Variants in NRG1 observed in about 807,000 individuals in gnomAD.
The protein encoded by NRG1 is pro-neuregulin-1, membrane-bound isoform.
Under a neutral mutation model 63.8 loss-of-function variants are expected in NRG1, and 18 were observed. The observed-to-expected ratio is 0.28, with a 90% CI of 0.19 to 0.42. The LOEUF is 0.42. Among genes scored for constraint, NRG1 ranks in the 10% least tolerant of loss-of-function variants. The pLI is 1.00. For missense variants in NRG1, 762 were observed against 814.7 expected (o/e 0.94, Z 0.79); for synonymous variants, 302 against 301.3 (o/e 1.00, Z -0.02).
At chr8:32,297,618 T>A (rs1855047422) in intron 1 of NRG1, among the ~76,000 whole-genome samples, 1 of 152,206 alleles carries the variant, frequency 6.6e-6, no homozygotes, top group African/African-American at 2.4e-5. Context: ...GGGCTGTTTA[T>A]CTTAGTTGAG....
chr8:32,769,164 T>A (rs902651106), downstream of NRG1, among the ~76,000 whole-genome samples: 1 of 152,206 alleles, frequency 6.6e-6, no homozygotes, highest in African/African-American at 2.4e-5. Flanking sequence ...ACTTAAAGAT[T>A]GAGACATTAT....
chr8:32,573,897 G>A (rs1839119999), intron 1 of NRG1, among the ~76,000 whole-genome samples: 3 of 152,008 alleles, frequency 2.0e-5, no homozygotes, highest in Admixed American at 1.3e-4. Context: ...GTGAGAACAT[G>A]CAGTGTTTGG....
At chr8:31,639,877 G>T in intron 1 of NRG1, 1 of 1,092,188 alleles carries the variant, frequency 9.2e-7, no homozygotes, top group Non-Finnish European at 1.1e-6. Flanking sequence ...AGGAGGGCAA[G>T]GGGGGAGGAG....
At chr8:32,274,690 C>G (rs1851904801) in intron 1 of NRG1, among the ~76,000 whole-genome samples, 2 of 152,126 alleles carry the variant, frequency 1.3e-5, no homozygotes, top group African/African-American at 4.8e-5. Flanking sequence ...TTACCATCTT[C>G]CCTATTTTAA....
chr8:31,734,665 CA>C (rs1480213860), intron 1 of NRG1, among the ~76,000 whole-genome samples: 1 of 152,132 alleles, frequency 6.6e-6, no homozygotes, highest in Non-Finnish European at 1.5e-5. Flanking sequence ...ACGTATTAAA[CA>C]TTATATTTTC....
chr8:32,085,346 C>A (rs1267698206), intron 1 of NRG1, among the ~76,000 whole-genome samples: 1 of 152,208 alleles, frequency 6.6e-6, no homozygotes, highest in Admixed American at 6.5e-5. Flanking sequence ...CAGGCAACCA[C>A]CATTCATTCT....
chr8:31,652,007 C>T (rs987580841), intron 1 of NRG1, among the ~76,000 whole-genome samples: 1 of 152,160 alleles, frequency 6.6e-6, no homozygotes, highest in African/African-American at 2.4e-5. Flanking sequence ...ACTGCCAGTC[C>T]CTCTGCACAT....
intron 1 of NRG1, among the ~76,000 whole-genome samples, chr8:32,538,474 A>G (rs1428168066): frequency 6.6e-6 from 1 of 152,200 alleles, no homozygotes; most frequent in African/African-American, 2.4e-5. Flanking sequence ...ATGGGGAAAT[A>G]AAGCACAGAG....
chr8:31,855,885 T>TGGATATGAAA (rs1195886038), intron 1 of NRG1, among the ~76,000 whole-genome samples: 1 of 152,044 alleles, frequency 6.6e-6, no homozygotes, highest in East Asian at 1.9e-4. Flanking sequence ...TTAGTTTGGC[T>TGGATATGAAA]GGATATGAAA....
At chr8:32,422,697 C>A (rs1290208735) in intron 1 of NRG1, among the ~76,000 whole-genome samples, 1 of 152,222 alleles carries the variant, frequency 6.6e-6, no homozygotes, top group Admixed American at 6.5e-5. Context: ...CTTCTCCCAA[C>A]AACCTTGCCA....
At chr8:32,230,080 A>G (rs1295633167) in intron 1 of NRG1, among the ~76,000 whole-genome samples, 5 of 152,154 alleles carry the variant, frequency 3.3e-5, no homozygotes, top group Admixed American at 3.3e-4. Context: ...TATTATTGTT[A>G]GTCAGGAAAT....
chr8:31,746,865 A>G, intron 1 of NRG1, among the ~76,000 whole-genome samples: 1 of 151,952 alleles, frequency 6.6e-6, no homozygotes, highest in East Asian at 1.9e-4. Context: ...AACAACATGG[A>G]TGGAACTGGA....
chr8:31,698,348 G>T (rs1321928238), intron 1 of NRG1, among the ~76,000 whole-genome samples: 1 of 152,136 alleles, frequency 6.6e-6, no homozygotes, highest in Non-Finnish European at 1.5e-5. Flanking sequence ...ACCATTTACA[G>T]GATGCTAGTG....
At chr8:32,542,296 G>A (rs1451287423) in intron 1 of NRG1, among the ~76,000 whole-genome samples, 7 of 152,090 alleles carry the variant, frequency 4.6e-5, no homozygotes, top group Non-Finnish European at 1.0e-4. Flanking sequence ...ATTTGTTCAT[G>A]GAAAGGCTTA....
intron 1 of NRG1, among the ~76,000 whole-genome samples, chr8:32,177,902 A>C (rs916902487): frequency 6.6e-6 from 1 of 152,228 alleles, no homozygotes; most frequent in East Asian, 1.9e-4. Context: ...AAAGGAAGCA[A>C]CACTTGCAAA....
At chr8:31,679,288 C>T (rs572998116) in intron 1 of NRG1, among the ~76,000 whole-genome samples, 31 of 152,196 alleles carry the variant, frequency 2.0e-4, no homozygotes, top group South Asian at 1.2e-3. Context: ...TTCTTGACTT[C>T]ATTTTTATTT....
chr8:31,849,496 C>T (rs1827010415), intron 1 of NRG1, among the ~76,000 whole-genome samples: 2 of 152,196 alleles, frequency 1.3e-5, no homozygotes, highest in African/African-American at 2.4e-5. Flanking sequence ...CTCTTGGTCA[C>T]CATGATGGTG....
intron 1 of NRG1, among the ~76,000 whole-genome samples, chr8:31,927,829 C>T (rs1285559807): frequency 6.6e-6 from 1 of 150,846 alleles, no homozygotes; most frequent in Non-Finnish European, 1.5e-5. Flanking sequence ...CTGCTATAAT[C>T]TCAACCCTTG....
At chr8:31,774,405 A>T (rs117790557) in intron 1 of NRG1, among the ~76,000 whole-genome samples, 2,509 of 152,136 alleles carry the variant, frequency 0.016, 31 homozygotes, top group Non-Finnish European at 0.025. Flanking sequence ...TCCTGTCTAG[A>T]GTGTAACCTT....
Sources: allele counts gnomAD v4.1 joint callset (sites outside exome capture counted in the v4.1 genomes callset), GRCh38; gene constraint gnomAD v4.1.1; transcripts MANE v1.5; gene names NCBI Gene and HGNC (gene_info 2026-07-23, HGNC 2026-07-21).